Variants in ANO9 observed in about 807,000 individuals in gnomAD.
ANO9 encodes anoctamin 9.
In ANO9, 80 loss-of-function variants were observed where a neutral mutation model predicts 100.5. The ratio of observed to expected loss-of-function variants is 0.80; its 90% confidence interval spans 0.66 to 0.96. ANO9 has a LOEUF of 0.96. ANO9 is among the 40% of genes least tolerant of loss of function. The probability of loss-of-function intolerance (pLI) is 0.00; values close to 1 mark genes in which losing one functional copy is unlikely to be tolerated. For missense variants in ANO9, 1,064 were observed against 1,072.7 expected (o/e 0.99, Z 0.11); for synonymous variants, 473 against 435.6 (o/e 1.09, Z -1.07).
At position 421,589 on chromosome 11, in the gene ANO9, A is replaced by ACACACACCCC. The variant is rs1183548358; in HGVS notation, c.1335-401_1335-392dup. ...CCCACACGTGGGCGCGCGCACACAC[A>ACACACACCCC]CACACACCCCCACACAGGGGAGGCC... On this transcript the variant is annotated intron_variant, in intron 15 of 22. Coordinates refer to ENST00000332826, the MANE Select transcript of ANO9 (RefSeq NM_001012302.3). The surrounding 1 kb of genome is among the most constrained non-coding windows in gnomAD (Gnocchi z 6.8). Among the ~76,000 whole-genome samples the ACACACACCCC allele has an allele frequency of 2.5e-5, 3 of 120,518 alleles. No homozygotes were observed. The highest frequency in any genetic ancestry group is 9.5e-5 in the African/African-American group (3 of 31,574). The allele number at this position is 120,518 out of a possible 152,430, so 79.1% of individuals were successfully genotyped here.
Position 421,336 on chromosome 11 carries a change from C to A in ANO9, c.1335-138G>T. On this transcript the variant is annotated intron_variant, in intron 15 of 22. Transcript: ENST00000332826. This position sits in a 1 kb window ranked among gnomAD's most constrained non-coding sequence, Gnocchi z 6.8. ...TGCAGGTGAGCGGGGCACAGGTGCT[C>A]ACACCCAGATGAACCGCACCCGCAC... is the stretch of plus-strand genomic sequence containing the variant. 1.1e-6 allele frequency: 1 copy of A among 876,272 alleles called. No individual in the cohort carries two copies. The highest frequency in any genetic ancestry group is 2.0e-5 in the South Asian group (1 of 50,180). 54.3% of individuals were successfully genotyped at this position (876,272 alleles called of 1,614,324 possible).
At position 432,062 on chromosome 11, in the gene ANO9, G is replaced by A. The variant is rs1849054189; in HGVS notation, c.351-8C>T. 2 of 1,612,612 alleles carry A rather than the reference G, an allele frequency of 1.2e-6. No homozygotes were observed. Among genetic ancestry groups the A allele is most frequent in the Non-Finnish European group, 1.7e-6 (2 of 1,179,756 alleles). On this transcript the variant is annotated splice_region_variant and splice_polypyrimidine_tract_variant and intron_variant, in intron 4 of 22. Coordinates refer to ENST00000332826, the MANE Select transcript of ANO9 (RefSeq NM_001012302.3). This position sits in a 1 kb window ranked among gnomAD's most constrained non-coding sequence, Gnocchi z 4.8. ...ACGATTCGGATTCTGAGACTCAAGA[G>A]CCAGAGCAGGGTGGCCCCGTGTGAC... is the stretch of plus-strand genomic sequence containing the variant.
At chr11:427,604 C>T (rs563001766) in intron 15 of ANO9, among the ~76,000 whole-genome samples, 2 of 152,146 alleles carry the variant, frequency 1.3e-5, no homozygotes, top group African/African-American at 4.8e-5. Flanking sequence ...TGGTGGTGCA[C>T]GCCTGTAATC....
Position 421,335 on chromosome 11 carries a change from T to G in ANO9, c.1335-137A>C. 1 of 873,690 alleles carries G rather than the reference T, an allele frequency of 1.1e-6. No individual in the cohort carries two copies. Among genetic ancestry groups the G allele is most frequent in the African/African-American group, 1.7e-5 (1 of 58,164 alleles). The allele number at this position is 873,690 out of a possible 1,614,324, so 54.1% of individuals were successfully genotyped here. On this transcript the variant is annotated intron_variant, in intron 15 of 22. Coordinates refer to ENST00000332826, the MANE Select transcript of ANO9 (RefSeq NM_001012302.3). The surrounding 1 kb of genome is among the most constrained non-coding windows in gnomAD (Gnocchi z 6.8). ...CTGCAGGTGAGCGGGGCACAGGTGCTCACACCCAGATGAACCGCACCCGCA... is the reference window on the plus strand; with the variant it reads ...CTGCAGGTGAGCGGGGCACAGGTGCGCACACCCAGATGAACCGCACCCGCA...
chr11:441,791 C>G, intron 1 of ANO9, 130 bp downstream of exon 1: 1 of 1,391,448 alleles, frequency 7.2e-7, no homozygotes, highest in Non-Finnish European at 9.5e-7. Context: ...ACCGGGCAGC[C>G]TGCAGGGACC....
chr11:438,391 C>G (rs60356623), intron 1 of ANO9, among the ~76,000 whole-genome samples: 1,257 of 122,792 alleles, frequency 0.01, 23 homozygotes, highest in African/African-American at 0.036. Context: ...GTAGCCCCCC[C>G]CCGACTCACA....
chr11:429,345 C>G (rs1009643297), intron 11 of ANO9: 150 of 1,049,228 alleles, frequency 1.4e-4, no homozygotes, highest in Non-Finnish European at 1.8e-4. Context: ...CACAGCGACA[C>G]GCCTCACGGG....
chr11:437,035 GC>G (rs1259015623), intron 1 of ANO9, among the ~76,000 whole-genome samples: 1 of 98,472 alleles, frequency 1.0e-5, no homozygotes, highest in African/African-American at 3.9e-5. Flanking sequence ...CGGGGGGTGA[GC>G]GGGGGGTGCG....
Position 418,132 on chromosome 11 carries a change from G to T in ANO9, c.*239C>A. On this transcript the variant is annotated 3_prime_UTR_variant, in exon 23 of 23. Transcript: ENST00000332826. ...AGGAGCCCTCACTCCCAGTTCTGTG[G>T]GTGCCCAGGGTCACCCAGAGTTCAA... is the stretch of plus-strand genomic sequence containing the variant. 4.1e-6 allele frequency: 2 copies of T among 485,848 alleles called. No individual in the cohort carries two copies. 30.1% of individuals were successfully genotyped at this position (485,848 alleles called of 1,614,324 possible). A position where few individuals can be genotyped will look rare whatever the true frequency, so the allele number is the denominator to read the frequency against.
intron 20 of ANO9, 125 bp from the exon 21 acceptor site, chr11:419,114 T>A (rs2133674334): frequency 6.6e-7 from 1 of 1,519,824 alleles, no homozygotes; most frequent in South Asian, 1.3e-5. Context: ...ACAGACTGCG[T>A]CCAGTGGGAC....
intron 19 of ANO9, chr11:420,261 C>T: frequency 1.4e-6 from 2 of 1,427,760 alleles, no homozygotes; most frequent in Middle Eastern, 2.6e-4. Context: ...GAGGAGCCTA[C>T]AAAGCGCTCG....
chr11:420,082 T>C, intron 19 of ANO9: 1 of 1,313,340 alleles, frequency 7.6e-7, no homozygotes, highest in Non-Finnish European at 9.7e-7. Context: ...CCTCTCTCCC[T>C]TTCCCCACAT....
rs1334440695 is a variant in ANO9, at chr11:429,795, A to G, written c.795T>C (p.Asp265=). ...FAKLTHLFDN[D]GTVVFAIFMA... ...TGAAGATGGCGAACACCACCGTGCC[A>G]TCATTGTCAAAGAGGTGGGTGAGCT... Residue 265 remains aspartate, a synonymous_variant, in exon 10 of 23, where the codon GAT becomes GAC. Coordinates refer to ENST00000332826, the MANE Select transcript of ANO9 (RefSeq NM_001012302.3). 1 of 1,607,900 alleles carries G rather than the reference A, an allele frequency of 6.2e-7. No homozygotes were observed. The highest frequency in any genetic ancestry group is 8.5e-7 in the Non-Finnish European group (1 of 1,176,358).
rs139493381 is a variant in ANO9, at chr11:428,382, C to T, written c.1198G>A (p.Val400Met). The change falls in exon 14 of 23, where the codon GTG becomes ATG. Residue 400 changes from valine (V) to methionine (M), a missense_variant. Physicochemically the swap from Val to Met is conservative, Grantham distance 21. Transcript: ENST00000332826. ...IIIMTKINRC[V>M]ALKLCDFEMP... is the part of the protein sequence containing the mutation. Reference sequence around the variant, plus strand: ...CCGAAGTCACAAAGCTTCAGGGCCACGCACCTGTTGATCTGCGGAGGAGGG... The same window carrying T: ...CCGAAGTCACAAAGCTTCAGGGCCATGCACCTGTTGATCTGCGGAGGAGGG... 2.6e-4 allele frequency: 426 copies of T among 1,612,548 alleles called. 1 individual carries two copies. Among genetic ancestry groups the T allele is most frequent in the South Asian group, 4.2e-4 (38 of 91,084 alleles).
In ANO9 at chr11:418,932, C is replaced by T; in HGVS notation, c.1992G>A (p.Gln664=). 6.2e-7 allele frequency: 1 copy of T among 1,613,492 alleles called. No individual in the cohort carries two copies. The change falls in exon 21 of 23, where the codon CAG becomes CAA. Residue 664 remains glutamine (Q), a synonymous_variant. Transcript: ENST00000332826. ...CTGAGCCCTCAATCCCATCAGGGTC[C>T]TGGAAGTCCTTGGTGTGGAAGACGG... ...SLSVFHTKDF[Q]DPDGIEGSEN... is the part of the protein sequence containing the mutation.
At chr11:434,431 A>G (rs982474028) in intron 1 of ANO9, among the ~76,000 whole-genome samples, 3 of 152,250 alleles carry the variant, frequency 2.0e-5, no homozygotes, top group African/African-American at 7.2e-5. Flanking sequence ...AGAACAGCCA[A>G]GGAAACGCAG....
rs527852978 is a variant in ANO9 at position 431,856 on chromosome 11, G to T, written c.457C>A (p.Leu153Met). ...GCCAGCCCACCCCTCACCTTGTGCA[G>T]GGGGAACCTGGCCTCAAAGACCCCG... ...KDGVFEARFP[L>M]HKGEGRLKKT... Residue 153 changes from leucine to methionine, a missense_variant, in exon 6 of 23, where the codon CTG (leucine) becomes ATG (methionine). Leu to Met is a conservative substitution (Grantham distance 15). Coordinates refer to ENST00000332826, the MANE Select transcript of ANO9 (RefSeq NM_001012302.3). 519 of 1,610,378 alleles carry T rather than the reference G, an allele frequency of 3.2e-4. 3 individuals are homozygous for T. In the South Asian group the frequency reaches 5.4e-3, roughly 17 times the overall value.
At chr11:426,599 G>A (rs549047030) in intron 15 of ANO9, among the ~76,000 whole-genome samples, 185 of 152,146 alleles carry the variant, frequency 1.2e-3, no homozygotes, top group African/African-American at 4.3e-3. Flanking sequence ...AAAATAAAAT[G>A]ACAGGCTGCT....
intron 15 of ANO9, among the ~76,000 whole-genome samples, chr11:423,711 T>C (rs1222084227): frequency 6.6e-6 from 1 of 151,768 alleles, no homozygotes; most frequent in Non-Finnish European, 1.5e-5. Flanking sequence ...GTGGGGGGTT[T>C]GGGGGCAGTG....
Sources: gnomAD v4.1 joint callset for allele counts (sites outside exome capture counted in the v4.1 genomes callset) on GRCh38, gnomAD v4.1.1 for gene constraint, Gnocchi (gnomAD v3.1) non-coding constraint, MANE v1.5 for transcripts, NCBI Gene and HGNC (gene_info 2026-07-23, HGNC 2026-07-21) for gene names.